Variants in ADAMTS20 observed in about 807,000 individuals in gnomAD.
ADAMTS20 encodes A disintegrin and metalloproteinase with thrombospondin motifs 20.
A neutral mutation model predicts 260.1 loss-of-function variants in ADAMTS20; 225 were observed. The ratio of observed to expected loss-of-function variants is 0.87; its 90% CI spans 0.78 to 0.97. The LOEUF is 0.97. Ranked by LOEUF, ADAMTS20 falls within the 50% of genes least tolerant of loss-of-function variation. ADAMTS20 has a pLI of 0.00. For synonymous variants in ADAMTS20, 802 were observed against 769.5 expected (o/e 1.04, Z -0.70); for missense variants, 2,400 against 2,337.7 (o/e 1.03, Z -0.55).
At chr12:43,493,343 T>C in intron 4 of ADAMTS20, 90 bp from the exon 5 acceptor site, 1 of 879,974 alleles carries the variant, frequency 1.1e-6, no homozygotes, top group Non-Finnish European at 1.8e-6. Context: ...ATCAATTCTC[T>C]AATTGCACTG....
chr12:43,383,623 G>C lies in ADAMTS20; in HGVS notation c.4732C>G (p.Leu1578Val), dbSNP rs138413325. 83 of 1,613,698 alleles carry C rather than the reference G, an allele frequency of 5.1e-5. No individual in the cohort carries two copies. The African/African-American group carries it at 1.0e-3, about 19-fold the overall frequency. ...EIVYNSSTISLTSKNCRNPPC... is the reference protein window; with the variant it reads ...EIVYNSSTISVTSKNCRNPPC... ...GGGTTCCTGCAATTCTTGGATGTAAGAGATATGGTTGAAGAATTATAGACT... is the reference window on the plus strand; with the variant it reads ...GGGTTCCTGCAATTCTTGGATGTAACAGATATGGTTGAAGAATTATAGACT... Residue 1578 changes from leucine (L) to valine (V), a missense_variant, in exon 31 of 39, where the codon CTT (leucine) becomes GTT (valine). Transcript: ENST00000389420.
chr12:43,446,806 G>T, intron 14 of ADAMTS20, 94 bp from the exon 15 acceptor site: 1 of 1,023,346 alleles, frequency 9.8e-7, no homozygotes, highest in Non-Finnish European at 1.5e-6. Flanking sequence ...ATGACAAAGG[G>T]GATTTACCAC....
chr12:43,446,655 A>T lies in ADAMTS20; in HGVS notation c.2137T>A (p.Cys713Ser). 6.2e-7 allele frequency: 1 copy of T among 1,613,492 alleles called. No homozygotes were observed. Among genetic ancestry groups the T allele is most frequent in the Non-Finnish European group, 8.5e-7 (1 of 1,179,570 alleles). The change falls in exon 15 of 39, where the codon TGT (cysteine) becomes AGT (serine). Residue 713 changes from cysteine (C) to serine (S), a missense_variant. Physicochemically the swap from Cys to Ser is moderately radical, Grantham distance 112. Transcript: ENST00000389420. ...SSAKIDKCGV[C>S]GGDNSSCKTI... The stretch of plus-strand genomic sequence containing the variant: ...TTGCATGAAGAGTTGTCCCCACCAC[A>T]CACTCCACATTTGTCTATCTTGGCA...
chr12:43,426,376 A>C (rs1015884203), intron 27 of ADAMTS20, among the ~76,000 whole-genome samples: 1 of 152,320 alleles, frequency 6.6e-6, no homozygotes, highest in East Asian at 1.9e-4. Flanking sequence ...AATGTGCTTG[A>C]TATGTATTAA....
intron 3 of ADAMTS20, among the ~76,000 whole-genome samples, chr12:43,512,092 A>G (rs1942931898): frequency 6.6e-6 from 1 of 151,836 alleles, no homozygotes; most frequent in African/African-American, 2.4e-5. Flanking sequence ...CATATCAGGT[A>G]CTCGTACACT....
chr12:43,443,797 A>T lies in ADAMTS20; in HGVS notation c.2284T>A (p.Tyr762Asn). The stretch of plus-strand genomic sequence containing the variant: ...GTTTACGAGAAATGTTTACCAAGGT[A>T]ACTGTCATCTGGTTGTCCAGAATAG... ...YSYSGQPDDS[Y>N]LALSDAEGNF... The change falls in exon 16 of 39, where the codon TAC (tyrosine) becomes AAC (asparagine). Residue 762 changes from tyrosine (Y) to asparagine (N), a missense_variant. Coordinates refer to ENST00000389420, the MANE Select transcript of ADAMTS20 (RefSeq NM_025003.5). 1 of 1,612,014 alleles carries T rather than the reference A, an allele frequency of 6.2e-7. No homozygotes were observed. Among genetic ancestry groups the T allele is most frequent in the South Asian group, 1.1e-5 (1 of 90,920 alleles).
intron 14 of ADAMTS20, among the ~76,000 whole-genome samples, chr12:43,451,763 G>A (rs1016764256): frequency 5.3e-5 from 8 of 151,780 alleles, no homozygotes; most frequent in African/African-American, 1.9e-4. Flanking sequence ...TTGGAAGTGG[G>A]GTTCTCTGCT....
intron 11 of ADAMTS20, among the ~76,000 whole-genome samples, chr12:43,462,415 A>T (rs2137373761): frequency 6.6e-6 from 1 of 152,302 alleles, no homozygotes; most frequent in Non-Finnish European, 1.5e-5. Flanking sequence ...AATAATAAAG[A>T]CCTAGCATGG....
chr12:43,510,734 A>C (rs1169077802), intron 3 of ADAMTS20, among the ~76,000 whole-genome samples: 1 of 152,152 alleles, frequency 6.6e-6, no homozygotes, highest in African/African-American at 2.4e-5. Context: ...TGCCCACTAG[A>C]GCATAAAACA....
chr12:43,486,163 C>A (rs961944706), intron 7 of ADAMTS20, among the ~76,000 whole-genome samples: 1 of 152,062 alleles, frequency 6.6e-6, no homozygotes, highest in Admixed American at 6.6e-5. Flanking sequence ...GCAACACATA[C>A]CCAACTTCAA....
chr12:43,434,934 A>T (rs957409890), intron 18 of ADAMTS20, among the ~76,000 whole-genome samples: 2 of 152,166 alleles, frequency 1.3e-5, no homozygotes, highest in African/African-American at 4.8e-5. Context: ...TTTCCCAGAT[A>T]CAGCTGATCT....
rs1052309710 is a variant in ADAMTS20 at position 43,449,376 on chromosome 12, A to G, written c.2080-2664T>C. ...GGAGGTCATCATCCTTAGCAAACCA[A>G]CACAGGAACAGAAAGCCAAATATTA... On this transcript the variant is annotated intron_variant, in intron 14 of 38. Coordinates refer to ENST00000389420, the MANE Select transcript of ADAMTS20 (RefSeq NM_025003.5). Among the ~76,000 whole-genome samples, 5 of 152,296 alleles carry G rather than the reference A, an allele frequency of 3.3e-5. No individual in the cohort carries two copies. The East Asian group carries it at 9.6e-4, about 29-fold the overall frequency.
chr12:43,461,477 C>T (rs1271856378), intron 11 of ADAMTS20, among the ~76,000 whole-genome samples: 1 of 152,060 alleles, frequency 6.6e-6, no homozygotes, highest in Non-Finnish European at 1.5e-5. Flanking sequence ...AATAAATTAG[C>T]TATAAATAGT....
chr12:43,432,937 C>A, intron 19 of ADAMTS20, 126 bp from the exon 20 acceptor site: 1 of 781,688 alleles, frequency 1.3e-6, no homozygotes, highest in Non-Finnish European at 2.0e-6. Flanking sequence ...AAAACAAAAC[C>A]AGTCTGCAGC....
At position 43,427,438 on chromosome 12, in the gene ADAMTS20, T is replaced by C. The variant is rs142714681; in HGVS notation, c.3977A>G (p.His1326Arg). 2.5e-6 allele frequency: 4 copies of C among 1,613,290 alleles called. No homozygotes were observed. Among genetic ancestry groups the C allele is most frequent in the Admixed American group, 1.7e-5 (1 of 59,864 alleles). Residue 1326 changes from histidine to arginine, a missense_variant, in exon 27 of 39, where the codon CAT (histidine) becomes CGT (arginine). His to Arg is a conservative substitution (Grantham distance 29). Transcript: ENST00000389420. Reference protein sequence around the residue: ...CSSSCSGGLQHRAVVCQDENG... With the variant: ...CSSSCSGGLQRRAVVCQDENG... Reference sequence around the variant, plus strand: ...TTCATCCTGGCAGACCACAGCCCTATGCTGAAGACCTCCAGAACAACTGCT... The same window carrying C: ...TTCATCCTGGCAGACCACAGCCCTACGCTGAAGACCTCCAGAACAACTGCT...
At chr12:43,474,528 C>T (rs1167715426) in intron 7 of ADAMTS20, among the ~76,000 whole-genome samples, 1 of 119,752 alleles carries the variant, frequency 8.4e-6, no homozygotes, top group Non-Finnish European at 1.7e-5. Context: ...TGGGCAGAGA[C>T]ACAACCAAAA....
intron 37 of ADAMTS20, among the ~76,000 whole-genome samples, chr12:43,365,597 A>G (rs1455039842): frequency 6.6e-6 from 1 of 151,922 alleles, no homozygotes; most frequent in Non-Finnish European, 1.5e-5. Context: ...ACTAAATGAG[A>G]AGGTTTACGT....
intron 2 of ADAMTS20, among the ~76,000 whole-genome samples, chr12:43,542,182 T>G (rs986514596): frequency 1.3e-5 from 2 of 152,178 alleles, no homozygotes; most frequent in Non-Finnish European, 2.9e-5. Context: ...GTAGTGGTCC[T>G]CAGATGGCCT....
At chr12:43,477,143 C>T (rs1016372894) in intron 7 of ADAMTS20, among the ~76,000 whole-genome samples, 1 of 150,824 alleles carries the variant, frequency 6.6e-6, no homozygotes, top group East Asian at 1.9e-4. Context: ...TCACATTATA[C>T]GTTTCTAAAT....
Sources: allele counts gnomAD v4.1 joint callset (sites outside exome capture counted in the v4.1 genomes callset), GRCh38; gene constraint gnomAD v4.1.1; transcripts MANE v1.5; gene names NCBI Gene and HGNC (gene_info 2026-07-23, HGNC 2026-07-21).